The following GRIK2 variants were observed in gnomAD, a reference collection of about 807,000 sequenced individuals.
GRIK2 encodes the protein glutamate ionotropic receptor kainate type subunit 2, also known as glutamate receptor ionotropic, kainate 2.
A neutral mutation model predicts 100.3 loss-of-function variants in GRIK2; 32 were observed. The ratio of observed to expected loss-of-function variants is 0.32; its 90% CI spans 0.24 to 0.43. GRIK2 has a LOEUF of 0.43. Among genes scored for constraint, GRIK2 ranks in the 20% least tolerant of loss-of-function variants. The pLI, the probability that GRIK2 is intolerant of heterozygous loss-of-function variation, is 1.00. For synonymous variants in GRIK2, 417 were observed against 389.4 expected, an observed-to-expected ratio of 1.07 and a Z score of -0.83; for missense variants, 843 against 1,114.9, an observed-to-expected ratio of 0.76 and a Z score of 3.47.
chr6:101,986,074 T>C (rs1458838410), intron 14 of GRIK2, among the ~76,000 whole-genome samples: 1 of 151,842 alleles, frequency 6.6e-6, no homozygotes, highest in Non-Finnish European at 1.5e-5. Context: ...TGCACTTTTA[T>C]CTCAATGTCT....
At chr6:101,798,776 G>A (rs746867848) in intron 7 of GRIK2, among the ~76,000 whole-genome samples, 51 of 151,990 alleles carry the variant, frequency 3.4e-4, no homozygotes, top group Non-Finnish European at 4.6e-4. Context: ...GCCTGGCATC[G>A]ATCTGTCAAA....
At chr6:101,692,359 A>G (rs1308913499) in intron 7 of GRIK2, among the ~76,000 whole-genome samples, 1 of 152,126 alleles carries the variant, frequency 6.6e-6, no homozygotes, top group Non-Finnish European at 1.5e-5. Context: ...AACATAATGA[A>G]TTGATGAATT....
intron 2 of GRIK2, among the ~76,000 whole-genome samples, chr6:101,568,151 A>G (rs564118902): frequency 6.6e-6 from 1 of 152,012 alleles, no homozygotes; most frequent in Non-Finnish European, 1.5e-5. Context: ...AATACTAAAC[A>G]TAAGTGTTAA....
At chr6:101,928,393 C>T in intron 13 of GRIK2, 22 bp from the exon 14 acceptor site, 1 of 1,242,746 alleles carries the variant, frequency 8.0e-7, no homozygotes. Flanking sequence ...ATTCGTTTCA[C>T]CTTTCCCCCA....
chr6:101,977,567 G>T (rs949284003), intron 14 of GRIK2, among the ~76,000 whole-genome samples: 4 of 151,938 alleles, frequency 2.6e-5, no homozygotes, highest in Non-Finnish European at 5.9e-5. Flanking sequence ...AGGCAGGCAT[G>T]GCCCAGATTT....
At chr6:101,786,759 A>G (rs1779448453) in intron 7 of GRIK2, among the ~76,000 whole-genome samples, 1 of 152,064 alleles carries the variant, frequency 6.6e-6, no homozygotes, top group Non-Finnish European at 1.5e-5. Context: ...ATAGATACAA[A>G]ACATAGATGT....
chr6:102,067,255 A>G (rs931205723), intron 16 of GRIK2, among the ~76,000 whole-genome samples: 3 of 151,722 alleles, frequency 2.0e-5, no homozygotes, highest in Admixed American at 6.6e-5. Flanking sequence ...TATTTTTGCA[A>G]TGAGAACACT....
chr6:102,055,232 G>A, intron 15 of GRIK2, 98 bp from the exon 16 acceptor site: 2 of 846,132 alleles, frequency 2.4e-6, no homozygotes, highest in Non-Finnish European at 3.7e-6. Flanking sequence ...ACACTTTGAA[G>A]CATTTTGAAA....
chr6:101,937,177 T>C (rs1261682567), intron 14 of GRIK2, among the ~76,000 whole-genome samples: 1 of 152,104 alleles, frequency 6.6e-6, no homozygotes, highest in African/African-American at 2.4e-5. Context: ...TGAGAAACAA[T>C]GTTTTAATTG....
chr6:101,520,885 G>A (rs1465080952), intron 2 of GRIK2, among the ~76,000 whole-genome samples: 1 of 151,900 alleles, frequency 6.6e-6, no homozygotes, highest in Non-Finnish European at 1.5e-5. Flanking sequence ...TGTTTTCATG[G>A]AAAATATATT....
At chr6:101,964,528 G>C (rs559562505) in intron 14 of GRIK2, among the ~76,000 whole-genome samples, 2 of 152,248 alleles carry the variant, frequency 1.3e-5, no homozygotes, top group Admixed American at 1.3e-4. Flanking sequence ...CTGCTAGGCA[G>C]CCTAATGTCT....
At chr6:101,507,510 T>A (rs1451511715) in intron 2 of GRIK2, among the ~76,000 whole-genome samples, 3 of 152,144 alleles carry the variant, frequency 2.0e-5, no homozygotes, top group Non-Finnish European at 4.4e-5. Context: ...AAAAATTACC[T>A]AAATCTTTAA....
chr6:101,529,923 A>G (rs1490640820), intron 2 of GRIK2, among the ~76,000 whole-genome samples: 3 of 152,098 alleles, frequency 2.0e-5, no homozygotes, highest in Non-Finnish European at 4.4e-5. Flanking sequence ...TTGTCCATCA[A>G]GGGAAGACTG....
chr6:101,837,215 A>T (rs1040628519), intron 10 of GRIK2, among the ~76,000 whole-genome samples: 2 of 152,184 alleles, frequency 1.3e-5, no homozygotes, highest in Non-Finnish European at 2.9e-5. Flanking sequence ...ACATCCAGAC[A>T]TTCAGGTTGA....
chr6:101,898,510 A>AG (rs1422370968), intron 12 of GRIK2, among the ~76,000 whole-genome samples: 1 of 151,954 alleles, frequency 6.6e-6, no homozygotes, highest in Non-Finnish European at 1.5e-5. Flanking sequence ...GTACTTAAGA[A>AG]GTATGTCTTT....
intron 7 of GRIK2, among the ~76,000 whole-genome samples, chr6:101,771,020 A>G (rs1464106745): frequency 6.6e-6 from 1 of 152,148 alleles, no homozygotes; most frequent in African/African-American, 2.4e-5. Flanking sequence ...GTACTTTAAT[A>G]TGTATAATTA....
At chr6:101,444,307 G>T (rs113007561) in intron 2 of GRIK2, among the ~76,000 whole-genome samples, 1 of 151,884 alleles carries the variant, frequency 6.6e-6, no homozygotes, top group African/African-American at 2.4e-5. Flanking sequence ...CTGAGTGGAA[G>T]TTGCTCTTGT....
At chr6:101,895,175 G>A (rs1787360378) in intron 12 of GRIK2, among the ~76,000 whole-genome samples, 1 of 151,716 alleles carries the variant, frequency 6.6e-6, no homozygotes, top group Non-Finnish European at 1.5e-5. Context: ...GGACTTCTTA[G>A]CTAGAAGAGT....
At chr6:101,908,171 G>A (rs1054447444) in intron 12 of GRIK2, among the ~76,000 whole-genome samples, 1 of 151,242 alleles carries the variant, frequency 6.6e-6, no homozygotes, top group African/African-American at 2.4e-5. Context: ...ATTGTATTTG[G>A]TTGTTTTAAA....
Sources: allele counts gnomAD v4.1 joint callset (sites outside exome capture counted in the v4.1 genomes callset), GRCh38; gene constraint gnomAD v4.1.1; transcripts MANE v1.5; gene names NCBI Gene and HGNC (gene_info 2026-07-23, HGNC 2026-07-21).